RRM2: variants seen among roughly 807,000 people sequenced by gnomAD.
The protein encoded by RRM2 is ribonucleotide reductase regulatory subunit M2.
In RRM2, 6 loss-of-function variants were observed where a neutral mutation model predicts 45.9. That is an observed-to-expected ratio of 0.13 (90% CI 0.07 to 0.26). The LOEUF is 0.26. RRM2 is among the 10% of genes least tolerant of loss of function. The pLI is 1.00. For missense variants in RRM2, 343 were observed against 489.5 expected, an observed-to-expected ratio of 0.70 and a Z score of 2.82; for synonymous variants, 177 against 173.0, an observed-to-expected ratio of 1.02 and a Z score of -0.18.
rs1664145171 is a variant in RRM2, at chr2:10,185,479, C to T, written n.483-24832C>T. Among the ~76,000 whole-genome samples, 1 of 152,084 alleles carries T rather than the reference C, an allele frequency of 6.6e-6. No individual in the cohort carries two copies. Among genetic ancestry groups the T allele is most frequent in the Admixed American group, 6.5e-5 (1 of 15,274 alleles). ...TAGAATAATAGAAAAGCCCAGCGTG[C>T]GACATCAGTGTCAACAGAGGTCCAT... is the stretch of plus-strand genomic sequence containing the variant. On this transcript the variant is annotated intron_variant and non_coding_transcript_variant, in intron 3 of 3. Transcript: ENST00000381786. The surrounding 1 kb of genome is among the most constrained non-coding windows in gnomAD (Gnocchi z 4.3).
chr2:10,166,084 C>T (rs906683865), intron 3 of RRM2, among the ~76,000 whole-genome samples: 12 of 152,186 alleles, frequency 7.9e-5, no homozygotes, highest in Admixed American at 3.9e-4. Context: ...CCTTCTGCCC[C>T]GAGGTTTGGC....
chr2:10,136,991 A>T (rs76879487), upstream of RRM2, among the ~76,000 whole-genome samples: 2,514 of 152,320 alleles, frequency 0.017, 25 homozygotes, highest in African/African-American at 0.021. Context: ...GCCTCATCAT[A>T]TTCATTTTCT....
At chr2:10,177,263 T>C (rs916034921) in intron 3 of RRM2, among the ~76,000 whole-genome samples, 2 of 119,548 alleles carry the variant, frequency 1.7e-5, no homozygotes, top group Non-Finnish European at 3.7e-5. Context: ...TAAAATAAAA[T>C]AATAGAATAA....
At chr2:10,191,117 T>C (rs1395743293) in intron 3 of RRM2, among the ~76,000 whole-genome samples, 1 of 152,192 alleles carries the variant, frequency 6.6e-6, no homozygotes, top group Non-Finnish European at 1.5e-5. Flanking sequence ...CTGAACTTTT[T>C]CCCAGATGTG....
intron 3 of RRM2, among the ~76,000 whole-genome samples, chr2:10,194,090 ACTCCAAAACGC>A (rs907135772): frequency 2.4e-4 from 37 of 152,162 alleles, no homozygotes; most frequent in Non-Finnish European, 1.5e-4. Context: ...ATCATCATTT[ACTCCAAAACGC>A]CTCATTTCAT....
intron 3 of RRM2, among the ~76,000 whole-genome samples, chr2:10,177,827 G>A (rs1395300828): frequency 6.7e-6 from 1 of 149,968 alleles, no homozygotes; most frequent in Non-Finnish European, 1.5e-5. Flanking sequence ...TCACTATGTT[G>A]ACCAGGCTGG....
chr2:10,169,745 G>T lies in RRM2; in HGVS notation n.482+27370G>T, dbSNP rs1188222759. 3.3e-5 allele frequency among the ~76,000 whole-genome samples: 5 copies of T among 152,170 alleles called. No homozygotes were observed. The highest frequency in any genetic ancestry group is 9.7e-5 in the African/African-American group (4 of 41,412). On this transcript the variant is annotated intron_variant and non_coding_transcript_variant, in intron 3 of 3. Coordinates refer to the RRM2 transcript ENST00000381786. The surrounding 1 kb of genome is among the most constrained non-coding windows in gnomAD (Gnocchi z 5.1). ...CTCTGAGTTTGGAGAGCTGGCCTCC[G>T]CACTGGGCTTCCTGAGGACGGGAGC... is the stretch of plus-strand genomic sequence containing the variant.
At chr2:10,163,866 C>T (rs561733441) in intron 3 of RRM2, among the ~76,000 whole-genome samples, 78 of 152,312 alleles carry the variant, frequency 5.1e-4, no homozygotes, top group African/African-American at 1.8e-3. Flanking sequence ...GGCTGTGTGA[C>T]GTTGGGGATG....
chr2:10,161,531 C>T (rs1663554910), intron 3 of RRM2, among the ~76,000 whole-genome samples: 1 of 152,030 alleles, frequency 6.6e-6, no homozygotes, highest in East Asian at 1.9e-4. Context: ...AGGGGCCAGC[C>T]TCATCTCCAT....
chr2:10,122,891 G>A lies in RRM2; in HGVS notation c.93G>A (p.Glu31=). ...PLKGLSLVDK[E]NTPPALSGTR... The stretch of plus-strand genomic sequence containing the variant: ...AGGGGCTCAGCTTGGTCGACAAGGA[G>A]AACACGGTGAGCCCGCGGGGAGGGC... The change falls in exon 1 of 10, where the codon GAG becomes GAA. Residue 31 remains glutamate (E), a synonymous_variant. Transcript: ENST00000304567. The A allele has an allele frequency of 6.3e-7, 1 of 1,588,540 alleles. No homozygotes were observed. The highest frequency in any genetic ancestry group is 8.5e-7 in the Non-Finnish European group (1 of 1,169,956).
At chr2:10,176,457 G>A (rs1002996431) in intron 3 of RRM2, among the ~76,000 whole-genome samples, 8 of 151,962 alleles carry the variant, frequency 5.3e-5, no homozygotes, top group Non-Finnish European at 7.4e-5. Context: ...TAGTAGAGAC[G>A]GGGTTTCTCC....
intron 5 of RRM2, among the ~76,000 whole-genome samples, chr2:10,125,401 CTAGA>C (rs1662757433): frequency 6.6e-6 from 1 of 152,078 alleles, no homozygotes; most frequent in Admixed American, 6.6e-5. Flanking sequence ...CTGGAGTAGT[CTAGA>C]TACAAAGGTC....
intron 3 of RRM2, among the ~76,000 whole-genome samples, chr2:10,209,398 C>T (rs563737599): frequency 6.6e-6 from 1 of 152,254 alleles, no homozygotes; most frequent in East Asian, 1.9e-4. Flanking sequence ...GGGTGCTGCT[C>T]CCCTGCCCCA....
chr2:10,195,823 G>T lies in RRM2; in HGVS notation n.483-14488G>T, dbSNP rs1344422994. 6.6e-6 allele frequency among the ~76,000 whole-genome samples: 1 copy of T among 152,212 alleles called. No homozygotes were observed. The highest frequency in any genetic ancestry group is 1.5e-5 in the Non-Finnish European group (1 of 68,032). On this transcript the variant is annotated intron_variant and non_coding_transcript_variant, in intron 3 of 3. Coordinates refer to the RRM2 transcript ENST00000381786. The surrounding 1 kb of genome is among the most constrained non-coding windows in gnomAD (Gnocchi z 4.9). ...GTAGTGACCTGGCCTGGCCGATGCT[G>T]TGTTAGGATAAACGTGCTAAGGAGG...
chr2:10,124,563 G>A (rs1289521450), intron 4 of RRM2, among the ~76,000 whole-genome samples, 154 bp from the exon 5 acceptor site: 1 of 152,142 alleles, frequency 6.6e-6, no homozygotes, highest in Non-Finnish European at 1.5e-5. Context: ...TTGAGCATAT[G>A]ACATAAAATA....
chr2:10,122,573 C>G, upstream of RRM2: 1 of 1,442,868 alleles, frequency 6.9e-7, no homozygotes, highest in Non-Finnish European at 9.1e-7. Flanking sequence ...GCTTGAAAAT[C>G]GCGCGCGGCC....
rs4669547 is a variant in RRM2, at chr2:10,169,123, T to C, written n.482+26748T>C. On this transcript the variant is annotated intron_variant and non_coding_transcript_variant, in intron 3 of 3. Transcript: ENST00000381786. The surrounding 1 kb of genome is among the most constrained non-coding windows in gnomAD (Gnocchi z 5.1). ...AAGTAGCTGGGACTACAGGCACATG[T>C]CACCATGCCCAGCTACTTTTTGTAT... Among the ~76,000 whole-genome samples, 64,884 of 150,816 alleles carry C rather than the reference T, an allele frequency of 0.43. 14,428 individuals are homozygous for C. The highest frequency in any genetic ancestry group is 0.51 in the South Asian group (2,436 of 4,774).
chr2:10,168,270 C>T (rs1195909929), intron 3 of RRM2, among the ~76,000 whole-genome samples: 1 of 152,002 alleles, frequency 6.6e-6, no homozygotes, highest in Non-Finnish European at 1.5e-5. Context: ...TTCCCCCCAC[C>T]CCTGACACCC....
At chr2:10,181,053 C>A (rs1393489431) in intron 3 of RRM2, among the ~76,000 whole-genome samples, 2 of 152,216 alleles carry the variant, frequency 1.3e-5, no homozygotes, top group Non-Finnish European at 2.9e-5. Flanking sequence ...AGGTGTGAGC[C>A]ACCGCACCCA....
Sources: allele counts gnomAD v4.1 joint callset (sites outside exome capture counted in the v4.1 genomes callset), GRCh38; gene constraint gnomAD v4.1.1; non-coding constraint Gnocchi (gnomAD v3.1); transcripts MANE v1.5; gene names NCBI Gene and HGNC (gene_info 2026-07-23, HGNC 2026-07-21).